COA1: variants seen among roughly 807,000 people sequenced by gnomAD.
The protein encoded by COA1 is cytochrome c oxidase assembly factor 1 homolog.
Under a neutral mutation model 16.0 loss-of-function variants are expected in COA1, and 13 were observed. The observed-to-expected ratio is 0.81, with a 90% CI of 0.53 to 1.29. The LOEUF is 1.29. Among genes scored for constraint, COA1 ranks in the 50% most tolerant of loss-of-function variants. The pLI, the probability that COA1 is intolerant of heterozygous loss-of-function variation, is 0.00. For synonymous variants in COA1, 65 were observed against 65.7 expected (o/e 0.99, Z 0.05); for missense variants, 179 against 177.0 (o/e 1.01, Z -0.06).
intron 1 of COA1, among the ~76,000 whole-genome samples, chr7:43,701,786 G>A (rs1469504458): frequency 6.6e-6 from 1 of 152,156 alleles, no homozygotes; most frequent in Non-Finnish European, 1.5e-5. Context: ...TCTGACTGGT[G>A]TGAGATAGTA....
intron 6 of COA1, among the ~76,000 whole-genome samples, chr7:43,614,192 C>T (rs1265513174): frequency 3.3e-5 from 5 of 152,260 alleles, no homozygotes; most frequent in Non-Finnish European, 5.9e-5. Context: ...GTTCAGTAAA[C>T]GTTAAATGGA....
At chr7:43,671,328 AAAC>A (rs749084808) in intron 1 of COA1, among the ~76,000 whole-genome samples, 76 of 152,212 alleles carry the variant, frequency 5.0e-4, no homozygotes, top group Non-Finnish European at 8.5e-4. Flanking sequence ...AAGAAAGTGA[AAAC>A]AACCCACAGA....
At chr7:43,721,519 C>A (rs2095504633) in intron 1 of COA1, among the ~76,000 whole-genome samples, 1 of 152,126 alleles carries the variant, frequency 6.6e-6, no homozygotes, top group Admixed American at 6.5e-5. Context: ...TCCTTTCTAG[C>A]CCAACATGCT....
intron 1 of COA1, among the ~76,000 whole-genome samples, chr7:43,668,348 G>A (rs1448093365): frequency 2.0e-5 from 3 of 152,192 alleles, no homozygotes; most frequent in Admixed American, 1.3e-4. Context: ...TGAGATTCCT[G>A]TGGAACAGAG....
At chr7:43,666,269 C>T (rs985129964) in intron 1 of COA1, among the ~76,000 whole-genome samples, 1 of 152,206 alleles carries the variant, frequency 6.6e-6, no homozygotes, top group Non-Finnish European at 1.5e-5. Flanking sequence ...AGAAGCACTA[C>T]ACTGTTTATA....
At chr7:43,682,542 G>A (rs1401867835) in intron 1 of COA1, among the ~76,000 whole-genome samples, 2 of 152,158 alleles carry the variant, frequency 1.3e-5, no homozygotes, top group Admixed American at 1.3e-4. Context: ...GATGAAAATT[G>A]AGACATAATT....
chr7:43,647,854 A>C lies in COA1; in HGVS notation c.16-220T>G, dbSNP rs1195178905. 9.1e-6 allele frequency: 5 copies of C among 549,194 alleles called. 1 individual carries two copies. The highest frequency in any genetic ancestry group is 1.6e-5 in the Non-Finnish European group (5 of 308,196). 34.0% of individuals were successfully genotyped at this position (549,194 alleles called of 1,614,324 possible). A position where few individuals can be genotyped will look rare whatever the true frequency, so the allele number is the denominator to read the frequency against. ...CTCTCGAGAGTGGCCCATGTCCAGGACCCATGCTGTGGGGGCCCTGCCACC... is the reference window on the plus strand; with the variant it reads ...CTCTCGAGAGTGGCCCATGTCCAGGCCCCATGCTGTGGGGGCCCTGCCACC... On this transcript the variant is annotated intron_variant, in intron 2 of 5. Coordinates refer to ENST00000223336, the MANE Select transcript of COA1 (RefSeq NM_018224.4).
intron 1 of COA1, chr7:43,648,919 G>A: frequency 2.9e-6 from 1 of 349,306 alleles, no homozygotes; most frequent in Non-Finnish European, 5.3e-6. Context: ...GTGTGCACAA[G>A]GGAGAACCGC....
intron 6 of COA1, chr7:43,633,430 A>G (rs2085360487): frequency 6.6e-6 from 1 of 152,256 alleles, no homozygotes; most frequent in South Asian, 2.1e-4. Context: ...GAGAAAGACG[A>G]GGGAATGGCC....
intron 1 of COA1, among the ~76,000 whole-genome samples, chr7:43,683,380 C>G (rs953526157): frequency 6.6e-6 from 1 of 152,082 alleles, no homozygotes; most frequent in African/African-American, 2.4e-5. Context: ...CGCCTGTAAT[C>G]GCAGCACTTT....
At chr7:43,676,022 G>A (rs1340717183) in intron 1 of COA1, among the ~76,000 whole-genome samples, 2 of 152,024 alleles carry the variant, frequency 1.3e-5, no homozygotes. Flanking sequence ...TCTCACTTAT[G>A]GGAATCCTAT....
intron 4 of COA1, among the ~76,000 whole-genome samples, chr7:43,643,370 C>A (rs2087712099): frequency 6.6e-6 from 1 of 152,208 alleles, no homozygotes; most frequent in Non-Finnish European, 1.5e-5. Flanking sequence ...CCAGACCTAC[C>A]CAGTGGCTTT....
chr7:43,727,648 G>C (rs551038249), intron 1 of COA1, among the ~76,000 whole-genome samples: 62 of 152,320 alleles, frequency 4.1e-4, no homozygotes, highest in Non-Finnish European at 2.9e-4. Context: ...GAATAATCCA[G>C]AATAGTCAAA....
intron 1 of COA1, chr7:43,711,321 C>T (rs571380219): frequency 6.6e-6 from 1 of 151,930 alleles, no homozygotes; most frequent in African/African-American, 2.4e-5. Flanking sequence ...GCTCATCATA[C>T]CACATCAGTA....
chr7:43,654,338 G>A (rs1046658540), intron 1 of COA1, among the ~76,000 whole-genome samples: 9 of 152,210 alleles, frequency 5.9e-5, no homozygotes, highest in South Asian at 2.1e-4. Flanking sequence ...GATTGGCAGC[G>A]GTGCAATAAC....
intron 1 of COA1, among the ~76,000 whole-genome samples, chr7:43,705,039 C>T (rs1039240684): frequency 6.6e-6 from 1 of 152,194 alleles, no homozygotes; most frequent in Non-Finnish European, 1.5e-5. Flanking sequence ...GTTTAGTCAA[C>T]TGGCTTCATT....
chr7:43,649,603 A>T (rs1186415141), intron 1 of COA1: 1 of 152,234 alleles, frequency 6.6e-6, no homozygotes, highest in African/African-American at 2.4e-5. Flanking sequence ...GATATAAGGA[A>T]TTTTCCTTGG....
chr7:43,633,924 G>A (rs539559043), intron 6 of COA1, among the ~76,000 whole-genome samples: 59 of 151,724 alleles, frequency 3.9e-4, no homozygotes, highest in African/African-American at 1.4e-3. Flanking sequence ...TGTTTTCTCC[G>A]CTCAGATTTT....
intron 6 of COA1, among the ~76,000 whole-genome samples, chr7:43,615,181 T>A (rs907352819): frequency 2.0e-5 from 3 of 152,180 alleles, no homozygotes; most frequent in African/African-American, 7.2e-5. Context: ...GTTTTTTGTT[T>A]GTTTGTTTGT....
Sources: allele counts gnomAD v4.1 joint callset (sites outside exome capture counted in the v4.1 genomes callset), GRCh38; gene constraint gnomAD v4.1.1; transcripts MANE v1.5; gene names NCBI Gene and HGNC (gene_info 2026-07-23, HGNC 2026-07-21).